Variants in KHDRBS1 observed in about 807,000 individuals in gnomAD.
KHDRBS1 encodes the protein KH domain-containing, RNA-binding, signal transduction-associated protein 1.
In KHDRBS1, 7 loss-of-function variants were observed where a neutral mutation model predicts 48.4. The ratio of observed to expected loss-of-function variants is 0.14; its 90% CI spans 0.08 to 0.27. The LOEUF is 0.27. Among genes scored for constraint, KHDRBS1 ranks in the 10% least tolerant of loss-of-function variants. The pLI is 1.00. For missense variants in KHDRBS1, 458 were observed against 601.2 expected, an observed-to-expected ratio of 0.76 and a Z score of 2.49; for synonymous variants, 241 against 235.8, an observed-to-expected ratio of 1.02 and a Z score of -0.20.
chr1:32,014,200 C>G lies in KHDRBS1; in HGVS notation c.205C>G (p.Pro69Ala), dbSNP rs961750842. The G allele has an allele frequency of 7.2e-7, 1 of 1,387,286 alleles. No individual in the cohort carries two copies. Among genetic ancestry groups the G allele is most frequent in the Non-Finnish European group, 9.4e-7 (1 of 1,060,612 alleles). 85.9% of individuals were successfully genotyped at this position (1,387,286 alleles called of 1,614,324 possible). A position where few individuals can be genotyped will look rare whatever the true frequency, so the allele number is the denominator to read the frequency against. ...CACGCAGCCGCCACCGCTGCTGCCG[C>G]CCTCGGCCACGGGTCCCGACGCGAC... ...PATQPPPLLP[P>A]SATGPDATVG... is the part of the protein sequence containing the mutation. The change falls in exon 1 of 9, where the codon CCC (proline) becomes GCC (alanine). Residue 69 changes from proline (P) to alanine (A), a missense_variant. Physicochemically the swap from Pro to Ala is conservative, Grantham distance 27 (BLOSUM62 -1). This residue lies in a region of KHDRBS1 where 213 missense variants were observed against 215.6 expected (regional missense o/e 0.99). Transcript: ENST00000327300.
intron 10 of KHDRBS1, among the ~76,000 whole-genome samples, chr1:32,051,117 C>T (rs1483803320): frequency 6.6e-6 from 1 of 152,084 alleles, no homozygotes; most frequent in African/African-American, 2.4e-5. Context: ...AGGCTGATCT[C>T]GAACTCCTGA....
chr1:32,019,714 A>G (rs887424206), intron 1 of KHDRBS1, among the ~76,000 whole-genome samples: 7 of 152,232 alleles, frequency 4.6e-5, no homozygotes, highest in African/African-American at 1.4e-4. Context: ...GCCTAGTAAG[A>G]TAAAGCAGAA....
At chr1:32,046,902 A>G (rs1314281665), downstream of KHDRBS1, among the ~76,000 whole-genome samples, 1 of 152,224 alleles carries the variant, frequency 6.6e-6, no homozygotes, top group African/African-American at 2.4e-5. Flanking sequence ...GATGTTGGTC[A>G]CATGAATGGC....
At chr1:32,057,590 G>A (rs1175029308) in intron 10 of KHDRBS1, among the ~76,000 whole-genome samples, 3 of 150,498 alleles carry the variant, frequency 2.0e-5, no homozygotes, top group Non-Finnish European at 4.4e-5. Flanking sequence ...CACGAGGTCA[G>A]GAGTTCGAGA....
chr1:32,047,454 C>T (rs868375290), downstream of KHDRBS1, among the ~76,000 whole-genome samples: 1 of 152,180 alleles, frequency 6.6e-6, no homozygotes, highest in Non-Finnish European at 1.5e-5. Context: ...CCACTGTACC[C>T]GGCCAGCCTG....
intron 10 of KHDRBS1, among the ~76,000 whole-genome samples, chr1:32,050,197 G>GA (rs1213695895): frequency 2.6e-5 from 4 of 152,118 alleles, no homozygotes; most frequent in African/African-American, 9.7e-5. Flanking sequence ...ATCTTCTGTG[G>GA]AAAAATGTCT....
rs1363307466 is a variant in KHDRBS1 at position 32,037,000 on chromosome 1, G to T, written c.862G>T (p.Val288Leu). The T allele has an allele frequency of 3.1e-6, 5 of 1,614,174 alleles. No individual in the cohort carries two copies. In the Admixed American group the frequency reaches 8.3e-5, roughly 27 times the overall value. Reference protein sequence around the residue: ...PEPSRGRGVPVRGRGAAPPPP... With the variant: ...PEPSRGRGVPLRGRGAAPPPP... ...ACCCTCTCGTGGACGTGGGGTGCCA[G>T]TGAGAGGCCGGGGAGCTGCACCTCC... The change falls in exon 5 of 9, where the codon GTG (valine) becomes TTG (leucine). Residue 288 changes from valine (V) to leucine (L), a missense_variant. Val to Leu is a conservative substitution (Grantham distance 32). Transcript: ENST00000327300.
At chr1:32,020,075 G>T (rs1032357448) in intron 1 of KHDRBS1, among the ~76,000 whole-genome samples, 3 of 151,426 alleles carry the variant, frequency 2.0e-5, no homozygotes, top group African/African-American at 7.3e-5. Flanking sequence ...GCCCAATGCA[G>T]GTTTTGTTTG....
In KHDRBS1 at chr1:32,037,032, A is replaced by G; in HGVS notation, c.894A>G (p.Pro298=). 6.2e-7 allele frequency: 1 copy of G among 1,613,508 alleles called. No individual in the cohort carries two copies. Among genetic ancestry groups the G allele is most frequent in the Non-Finnish European group, 8.5e-7 (1 of 1,179,782 alleles). Residue 298 remains proline (P), a synonymous_variant, in exon 5 of 9, where the codon CCA becomes CCG. Coordinates refer to ENST00000327300, the MANE Select transcript of KHDRBS1 (RefSeq NM_006559.3). ...VRGRGAAPPP[P]PVPRGRGVGP... ...GCCGGGGAGCTGCACCTCCTCCACC[A>G]CCTGTTCCCAGGTAAAAATAATGGA...
At chr1:32,032,945 C>T (rs1639108385) in intron 3 of KHDRBS1, among the ~76,000 whole-genome samples, 1 of 152,226 alleles carries the variant, frequency 6.6e-6, no homozygotes, top group African/African-American at 2.4e-5. Context: ...GCGTCAGTCT[C>T]CCAAAGTCCT....
chr1:32,037,872 C>T lies in KHDRBS1; in HGVS notation c.943C>T (p.Arg315Cys), dbSNP rs913918478. Residue 315 changes from arginine (R) to cysteine (C), a missense_variant, in exon 6 of 9, where the codon CGT becomes TGT. Physicochemically the swap from Arg to Cys is radical, Grantham distance 180. Coordinates refer to ENST00000327300, the MANE Select transcript of KHDRBS1 (RefSeq NM_006559.3). ...TGGACCACCTCGGGGGGCTTTGGTA[C>T]GTGGTACACCAGTAAGGGGAGCCAT... Reference protein sequence around the residue: ...GVGPPRGALVRGTPVRGAITR... With the variant: ...GVGPPRGALVCGTPVRGAITR... 8.1e-6 allele frequency: 13 copies of T among 1,614,164 alleles called. No individual in the cohort carries two copies. Among genetic ancestry groups the T allele is most frequent in the East Asian group, 2.2e-5 (1 of 44,882 alleles).
chr1:32,024,775 T>C (rs1638930553), intron 1 of KHDRBS1, among the ~76,000 whole-genome samples: 1 of 152,168 alleles, frequency 6.6e-6, no homozygotes, highest in Non-Finnish European at 1.5e-5. Flanking sequence ...AATAGTTCTA[T>C]GGTATTTGAT....
downstream of KHDRBS1, among the ~76,000 whole-genome samples, chr1:32,048,433 C>T (rs1001954599): frequency 6.6e-6 from 1 of 152,102 alleles, no homozygotes; most frequent in African/African-American, 2.4e-5. Flanking sequence ...TCACTTGAGT[C>T]GAGGAGTTCA....
chr1:32,048,484 C>T (rs534713734), downstream of KHDRBS1, among the ~76,000 whole-genome samples: 16 of 152,162 alleles, frequency 1.1e-4, no homozygotes, highest in East Asian at 1.4e-3. Context: ...TACTCCAGCC[C>T]GGGTAGAAAG....
intron 10 of KHDRBS1, among the ~76,000 whole-genome samples, chr1:32,051,140 C>T (rs545546982): frequency 1.8e-4 from 27 of 152,234 alleles, no homozygotes; most frequent in African/African-American, 5.8e-4. Flanking sequence ...TCAGGTGATC[C>T]GCCCGCATCA....
At chr1:32,031,149 G>C (rs1639074691) in intron 2 of KHDRBS1, among the ~76,000 whole-genome samples, 1 of 152,086 alleles carries the variant, frequency 6.6e-6, no homozygotes, top group Non-Finnish European at 1.5e-5. Flanking sequence ...CTGGAGGCTG[G>C]GGCAGGAGGA....
At chr1:32,028,272 A>T (rs1466331221) in intron 1 of KHDRBS1, among the ~76,000 whole-genome samples, 2 of 151,896 alleles carry the variant, frequency 1.3e-5, no homozygotes, top group Non-Finnish European at 2.9e-5. Context: ...GGAAATGCAA[A>T]TTCCTAACAC....
intron 4 of KHDRBS1, among the ~76,000 whole-genome samples, chr1:32,035,347 G>A (rs904662782): frequency 1.3e-5 from 2 of 152,088 alleles, no homozygotes; most frequent in East Asian, 1.9e-4. Flanking sequence ...CTCAAGCAGC[G>A]GTAATGTGTA....
intron 1 of KHDRBS1, among the ~76,000 whole-genome samples, chr1:32,023,092 A>G (rs1444643051): frequency 2.6e-5 from 4 of 151,974 alleles, no homozygotes; most frequent in Non-Finnish European, 1.5e-5. Flanking sequence ...TACACCAAGC[A>G]TGTAGGAGAG....
Sources: allele counts gnomAD v4.1 joint callset (sites outside exome capture counted in the v4.1 genomes callset), GRCh38; gene constraint gnomAD v4.1.1; regional missense constraint gnomAD v4.1.1; transcripts MANE v1.5; gene names NCBI Gene and HGNC (gene_info 2026-07-23, HGNC 2026-07-21).